Variants in MED12L observed in about 807,000 individuals in gnomAD.
MED12L encodes mediator complex subunit 12L, also known as mediator of RNA polymerase II transcription subunit 12-like protein.
A neutral mutation model predicts 281.3 loss-of-function variants in MED12L; 60 were observed. That is an observed-to-expected ratio of 0.21 (90% CI 0.17 to 0.26). MED12L has a LOEUF of 0.26. MED12L is among the 10% of genes least tolerant of loss of function. The pLI is 1.00. For missense variants in MED12L, 2,146 were observed against 2,680.9 expected, an observed-to-expected ratio of 0.80 and a Z score of 4.41; for synonymous variants, 974 against 987.2, an observed-to-expected ratio of 0.99 and a Z score of 0.25.
chr3:151,235,536 T>A (rs1310082468), intron 16 of MED12L, among the ~76,000 whole-genome samples: 1 of 152,004 alleles, frequency 6.6e-6, no homozygotes, highest in East Asian at 1.9e-4. Flanking sequence ...AAACCCCATC[T>A]CTACTAAAAA....
intron 16 of MED12L, among the ~76,000 whole-genome samples, chr3:151,263,144 G>C (rs1294297228): frequency 2.0e-5 from 3 of 152,166 alleles, no homozygotes; most frequent in Non-Finnish European, 2.9e-5. Context: ...TGCAGAGATG[G>C]ATCAACAGCT....
intron 27 of MED12L, among the ~76,000 whole-genome samples, chr3:151,372,973 A>G (rs894491490): frequency 6.6e-6 from 1 of 152,088 alleles, no homozygotes; most frequent in South Asian, 2.1e-4. Context: ...TAATTTTTAC[A>G]TTTTGCTACA....
Position 151,377,038 on chromosome 3 carries a change from A to G in MED12L, c.4176A>G (p.Ala1392=). 3.1e-6 allele frequency: 5 copies of G among 1,614,074 alleles called. No homozygotes were observed. The highest frequency in any genetic ancestry group is 4.2e-6 in the Non-Finnish European group (5 of 1,179,952). The change falls in exon 30 of 45, where the codon GCA becomes GCG. Residue 1392 remains alanine, a synonymous_variant. Transcript: ENST00000687756. Reference sequence around the variant, plus strand: ...TGAACAACTTACTGGACAATATTGCAAAGGCAACAATAGAGGTATTCCAGC... The same window carrying G: ...TGAACAACTTACTGGACAATATTGCGAAGGCAACAATAGAGGTATTCCAGC... The part of the protein sequence containing the change: ...AEMNNLLDNI[A]KATIEVFQQS...
At chr3:151,229,764 G>A (rs1228193174) in intron 16 of MED12L, among the ~76,000 whole-genome samples, 3 of 151,500 alleles carry the variant, frequency 2.0e-5, no homozygotes, top group East Asian at 2.0e-4. Context: ...TGCGCCAGGC[G>A]AACTGAGCAA....
At chr3:151,152,085 G>GT (rs141353889) in intron 5 of MED12L, among the ~76,000 whole-genome samples, 3,799 of 63,038 alleles carry the variant, frequency 0.06, 803 homozygotes, top group Non-Finnish European at 0.079. Flanking sequence ...GTTGAAGGTG[G>GT]TTTTTTTTTT....
intron 16 of MED12L, chr3:151,212,888 GTGTTGAAAACAA>G (rs2149216653): frequency 6.5e-6 from 1 of 152,724 alleles, no homozygotes; most frequent in South Asian, 2.1e-4. Flanking sequence ...TTTAAGGACA[GTGTTGAAAACAA>G]TTACATACTA....
intron 16 of MED12L, chr3:151,270,216 T>TGTGTGC (rs1465367342): frequency 5.1e-5 from 8 of 156,138 alleles, no homozygotes; most frequent in African/African-American, 2.0e-4. Context: ...TGTGTGTGTG[T>TGTGTGC]GTGTGTGTGT....
At chr3:151,304,105 A>C (rs926974997) in intron 16 of MED12L, among the ~76,000 whole-genome samples, 2 of 152,130 alleles carry the variant, frequency 1.3e-5, no homozygotes, top group African/African-American at 2.4e-5. Flanking sequence ...AGAGAAGCCT[A>C]ATGACAGAGG....
intron 16 of MED12L, chr3:151,294,687 C>T (rs961983826): frequency 6.2e-7 from 1 of 1,614,164 alleles, no homozygotes; most frequent in Non-Finnish European, 8.5e-7. Flanking sequence ...TGGATATTGT[C>T]CTCTGTTGGC....
At chr3:151,405,006 G>GCT (rs1194842405) in intron 39 of MED12L, among the ~76,000 whole-genome samples, 1 of 152,098 alleles carries the variant, frequency 6.6e-6, no homozygotes, top group African/African-American at 2.4e-5. Context: ...CTTATCGGAT[G>GCT]CATTCATTTC....
chr3:151,177,947 AATT>A (rs1434410186), intron 11 of MED12L, among the ~76,000 whole-genome samples: 1 of 151,998 alleles, frequency 6.6e-6, no homozygotes, highest in African/African-American at 2.4e-5. Context: ...GCCAGGGTTC[AATT>A]ATTCCCTCCC....
At chr3:151,275,198 C>A (rs574161866) in intron 16 of MED12L, among the ~76,000 whole-genome samples, 1 of 152,152 alleles carries the variant, frequency 6.6e-6, no homozygotes, top group Non-Finnish European at 1.5e-5. Context: ...TGGAGAGTAT[C>A]GAGGATCAGA....
intron 16 of MED12L, among the ~76,000 whole-genome samples, chr3:151,318,358 CTTCT>C (rs939873790): frequency 1.8e-3 from 109 of 60,416 alleles, no homozygotes; most frequent in African/African-American, 8.4e-3. Context: ...CTTTTCTTTT[CTTCT>C]TTTTTTTTTT....
At chr3:151,289,688 T>G (rs562309235) in intron 16 of MED12L, among the ~76,000 whole-genome samples, 2 of 152,362 alleles carry the variant, frequency 1.3e-5, no homozygotes, top group East Asian at 3.9e-4. Flanking sequence ...TATATATTTA[T>G]GTAAATGTGT....
intron 13 of MED12L, among the ~76,000 whole-genome samples, chr3:151,190,498 C>A (rs1723831806): frequency 6.6e-6 from 1 of 152,108 alleles, no homozygotes; most frequent in South Asian, 2.1e-4. Flanking sequence ...AACTTGTAAT[C>A]ATGTTTACCA....
intron 11 of MED12L, among the ~76,000 whole-genome samples, chr3:151,167,239 T>A (rs1210920493): frequency 6.6e-6 from 1 of 152,202 alleles, no homozygotes; most frequent in African/African-American, 2.4e-5. Context: ...GCCCCAAAAC[T>A]AGGATATTCA....
rs900777933 is a variant in MED12L, at chr3:151,188,552, A to T, written c.1753+72A>T. On this transcript the variant is annotated intron_variant, in intron 13 of 44. Transcript: ENST00000687756. ...ATTTTTTTTTTCTGATTCCTTTTTT[A>T]AAAATTTAGATCTTATTTAATATTC... 3 of 1,402,444 alleles carry T rather than the reference A, an allele frequency of 2.1e-6. No homozygotes were observed. In the East Asian group the frequency reaches 6.9e-5, roughly 32 times the overall value. 86.9% of individuals were successfully genotyped at this position (1,402,444 alleles called of 1,614,324 possible).
At position 151,207,498 on chromosome 3, in the gene MED12L, T is replaced by C. The variant is rs191267636; in HGVS notation, c.2250+13832T>C. On this transcript the variant is annotated intron_variant, in intron 16 of 44. Coordinates refer to ENST00000687756, the MANE Select transcript of MED12L (RefSeq NM_001393769.1). ...ACAGATAATTGGAGTATGAGAAATT[T>C]TGGGGGGGACTGTCAGGCAATTTGG... Among the ~76,000 whole-genome samples the C allele has an allele frequency of 1.6e-3, 231 of 142,308 alleles. 1 individual carries two copies. The highest frequency in any genetic ancestry group is 5.7e-3 in the African/African-American group (221 of 38,972). The allele number at this position is 142,308 out of a possible 152,430, so 93.4% of individuals were successfully genotyped here. A position where few individuals can be genotyped will look rare whatever the true frequency, so the allele number is the denominator to read the frequency against.
chr3:151,137,799 T>G (rs1045475570), intron 5 of MED12L, among the ~76,000 whole-genome samples: 2 of 152,208 alleles, frequency 1.3e-5, no homozygotes, highest in African/African-American at 4.8e-5. Flanking sequence ...ATTAAAAGTA[T>G]GTGAAATTTT....
Sources: allele counts gnomAD v4.1 joint callset (sites outside exome capture counted in the v4.1 genomes callset), GRCh38; gene constraint gnomAD v4.1.1; transcripts MANE v1.5; gene names NCBI Gene and HGNC (gene_info 2026-07-23, HGNC 2026-07-21).